AUTS2: variants seen among roughly 807,000 people sequenced by gnomAD.
The protein encoded by AUTS2 is activator of transcription and developmental regulator AUTS2, also known as autism susceptibility gene 2 protein.
A neutral mutation model predicts 112.4 loss-of-function variants in AUTS2; 17 were observed. The observed-to-expected ratio is 0.15, with a 90% confidence interval of 0.10 to 0.23. The LOEUF is 0.23. AUTS2 is among the 10% of genes least tolerant of loss of function. The probability of loss-of-function intolerance (pLI) is 1.00; values close to 1 mark genes in which losing one functional copy is unlikely to be tolerated. For synonymous variants in AUTS2, 751 were observed against 702.7 expected (o/e 1.07, Z -1.09); for missense variants, 1,510 against 1,701.6 (o/e 0.89, Z 1.98).
intron 1 of AUTS2, among the ~76,000 whole-genome samples, chr7:69,853,087 T>G (rs1562928991): frequency 6.6e-6 from 1 of 151,484 alleles, no homozygotes; most frequent in East Asian, 1.9e-4. Flanking sequence ...TGAGGTCATT[T>G]AAAAAAAAAT....
At chr7:70,728,180 T>G (rs1051003836) in intron 6 of AUTS2, among the ~76,000 whole-genome samples, 3 of 152,036 alleles carry the variant, frequency 2.0e-5, no homozygotes, top group Non-Finnish European at 4.4e-5. Context: ...ATAAAAAAAT[T>G]GTTTGCTTTG....
chr7:70,628,061 A>G (rs1805043925), intron 5 of AUTS2, among the ~76,000 whole-genome samples: 1 of 152,172 alleles, frequency 6.6e-6, no homozygotes, highest in South Asian at 2.1e-4. Flanking sequence ...TGGCTCATTG[A>G]TCTATAAGTA....
chr7:70,167,345 T>A (rs1367947933), intron 4 of AUTS2, among the ~76,000 whole-genome samples: 2 of 152,128 alleles, frequency 1.3e-5, no homozygotes, highest in Non-Finnish European at 2.9e-5. Context: ...GATAAAGGGA[T>A]CAGTCCATCA....
At chr7:69,844,060 A>C (rs1048109357) in intron 1 of AUTS2, among the ~76,000 whole-genome samples, 3 of 152,230 alleles carry the variant, frequency 2.0e-5, no homozygotes, top group African/African-American at 7.2e-5. Flanking sequence ...TACTCTGCTT[A>C]TTCCCCTATT....
At chr7:70,411,617 G>T (rs942952223) in intron 4 of AUTS2, among the ~76,000 whole-genome samples, 5 of 152,144 alleles carry the variant, frequency 3.3e-5, no homozygotes, top group Admixed American at 1.3e-4. Context: ...ATAACATACA[G>T]TCAACTTATA....
At chr7:70,034,042 A>G (rs936798083) in intron 2 of AUTS2, among the ~76,000 whole-genome samples, 18 of 152,216 alleles carry the variant, frequency 1.2e-4, no homozygotes, top group African/African-American at 3.9e-4. Flanking sequence ...ATTATACATT[A>G]TGTACATGTA....
At chr7:69,831,392 A>G (rs1179423031) in intron 1 of AUTS2, among the ~76,000 whole-genome samples, 1 of 152,144 alleles carries the variant, frequency 6.6e-6, no homozygotes, top group Non-Finnish European at 1.5e-5. Flanking sequence ...CTGCAGAATT[A>G]AACGGAACCA....
intron 5 of AUTS2, among the ~76,000 whole-genome samples, chr7:70,581,069 A>T (rs576549935): frequency 6.6e-6 from 1 of 151,724 alleles, no homozygotes; most frequent in Admixed American, 6.6e-5. Flanking sequence ...ACCCAGTGAG[A>T]CTCCTTTGCT....
chr7:69,758,272 G>A (rs1788025342), intron 1 of AUTS2, among the ~76,000 whole-genome samples: 1 of 152,158 alleles, frequency 6.6e-6, no homozygotes. Context: ...GTTGACCTCA[G>A]GACCTCTTTA....
At chr7:69,878,561 G>A (rs1584381229) in intron 1 of AUTS2, among the ~76,000 whole-genome samples, 1 of 152,158 alleles carries the variant, frequency 6.6e-6, no homozygotes. Flanking sequence ...AGCAGCCCCA[G>A]TGAAAACGGA....
At chr7:69,866,952 G>C (rs1303529610) in intron 1 of AUTS2, among the ~76,000 whole-genome samples, 1 of 152,200 alleles carries the variant, frequency 6.6e-6, no homozygotes, top group African/African-American at 2.4e-5. Flanking sequence ...GCTTCTGTCA[G>C]CCTGGAAAAA....
intron 1 of AUTS2, among the ~76,000 whole-genome samples, chr7:69,643,708 CTGT>C (rs1455800414): frequency 1.3e-5 from 2 of 150,872 alleles, no homozygotes; most frequent in East Asian, 3.9e-4. Flanking sequence ...AGGATTATAA[CTGT>C]TGTTCCAATT....
At chr7:70,103,575 G>A (rs1031941724) in intron 2 of AUTS2, among the ~76,000 whole-genome samples, 6 of 152,002 alleles carry the variant, frequency 3.9e-5, no homozygotes, top group Non-Finnish European at 2.9e-5. Context: ...AAATATTTAC[G>A]TGAGGATTAA....
At chr7:70,625,362 G>A (rs971018112) in intron 5 of AUTS2, among the ~76,000 whole-genome samples, 12 of 152,142 alleles carry the variant, frequency 7.9e-5, no homozygotes, top group Admixed American at 1.3e-4. Flanking sequence ...ACTTACAGCC[G>A]TTGAAGTTGC....
At chr7:70,495,191 G>C (rs1004217005) in intron 5 of AUTS2, among the ~76,000 whole-genome samples, 19 of 133,006 alleles carry the variant, frequency 1.4e-4, no homozygotes, top group African/African-American at 4.9e-4. Context: ...GAACAGTTCT[G>C]TTCAGTGTTA....
chr7:69,662,976 G>T (rs1795874377), intron 1 of AUTS2, among the ~76,000 whole-genome samples: 1 of 152,136 alleles, frequency 6.6e-6, no homozygotes, highest in Non-Finnish European at 1.5e-5. Context: ...GAAGAAAATA[G>T]TTGCTTTTTA....
intron 4 of AUTS2, among the ~76,000 whole-genome samples, chr7:70,150,310 A>G (rs1482082133): frequency 6.6e-6 from 1 of 152,162 alleles, no homozygotes; most frequent in Non-Finnish European, 1.5e-5. Flanking sequence ...TGAGGTAGGA[A>G]AATATTGTGC....
chr7:69,844,951 T>C (rs189462412), intron 1 of AUTS2, among the ~76,000 whole-genome samples: 84 of 152,256 alleles, frequency 5.5e-4, no homozygotes, highest in Admixed American at 7.2e-4. Flanking sequence ...CATAATAGGA[T>C]TGTGGAGATG....
chr7:70,189,391 T>C (rs2129582557), intron 4 of AUTS2, among the ~76,000 whole-genome samples: 1 of 152,310 alleles, frequency 6.6e-6, no homozygotes, highest in Non-Finnish European at 1.5e-5. Flanking sequence ...CTGATTTCCT[T>C]AGAAGGGAAG....
Sources: allele counts gnomAD v4.1 joint callset (sites outside exome capture counted in the v4.1 genomes callset), GRCh38; gene constraint gnomAD v4.1.1; transcripts MANE v1.5; gene names NCBI Gene and HGNC (gene_info 2026-07-23, HGNC 2026-07-21).